SMIM41: variants seen among roughly 807,000 people sequenced by gnomAD.
SMIM41 encodes small integral membrane protein 41.
chr12:52,096,205 CCACAG>C (rs1940090580), intron 2 of SMIM41, among the ~76,000 whole-genome samples: 1 of 151,100 alleles, frequency 6.6e-6, no homozygotes, highest in South Asian at 2.1e-4. Context: ...AGGAACAATA[CCACAG>C]AAGGGGTGTA....
chr12:52,097,930 G>A (rs1227182379), intron 2 of SMIM41, among the ~76,000 whole-genome samples: 1 of 151,896 alleles, frequency 6.6e-6, no homozygotes, highest in African/African-American at 2.4e-5. Context: ...CAAATTCGAA[G>A]GAATGTTATC....
chr12:52,107,552 CT>C lies in SMIM41; in HGVS notation c.*370del. On this transcript the variant is annotated 3_prime_UTR_variant, in exon 3 of 3. Coordinates refer to ENST00000546390, the MANE Select transcript of SMIM41 (RefSeq NM_001369216.1). ...TGTCCTTGCCTGACATCGGTTTCAC[CT>C]CCACCACGGTCCCCCAGATGACTGT... is the stretch of plus-strand genomic sequence containing the variant. 2 of 947,916 alleles carry C rather than the reference CT, an allele frequency of 2.1e-6. No homozygotes were observed. The highest frequency in any genetic ancestry group is 1.3e-5 in the South Asian group (1 of 78,896). The allele number at this position is 947,916 out of a possible 1,614,324, so 58.7% of individuals were successfully genotyped here.
intron 2 of SMIM41, among the ~76,000 whole-genome samples, chr12:52,106,935 T>A (rs1487160400): frequency 6.6e-6 from 1 of 151,706 alleles, no homozygotes; most frequent in African/African-American, 2.4e-5. Flanking sequence ...ATAAAAAATA[T>A]TTGAGTTCTT....
rs1484817644 is a variant in SMIM41 at position 52,081,916 on chromosome 12, C to T, written c.*120+1735C>T. The T allele has an allele frequency of 6.6e-6, 1 of 152,314 alleles. No individual in the cohort carries two copies. The highest frequency in any genetic ancestry group is 1.5e-5 in the Non-Finnish European group (1 of 68,084). 9.4% of individuals were successfully genotyped at this position (152,314 alleles called of 1,614,324 possible). On this transcript the variant is annotated intron_variant, in intron 1 of 2. Coordinates refer to ENST00000546390, the MANE Select transcript of SMIM41 (RefSeq NM_001369216.1). The surrounding 1 kb of genome is among the most constrained non-coding windows in gnomAD (Gnocchi z 4.1). Reference sequence around the variant, plus strand: ...CCCTCTCACTCTGTCCTCTTCCCTTCCCTGCTTTCTCATCACTCTTTGAGA... The same window carrying T: ...CCCTCTCACTCTGTCCTCTTCCCTTTCCTGCTTTCTCATCACTCTTTGAGA...
intron 2 of SMIM41, among the ~76,000 whole-genome samples, chr12:52,089,244 A>G (rs569040860): frequency 8.5e-4 from 130 of 152,220 alleles, no homozygotes; most frequent in African/African-American, 2.9e-3. Flanking sequence ...ATTCTCTGAT[A>G]GTTCTGGAGG....
chr12:52,088,583 C>G (rs1046728784), intron 2 of SMIM41, among the ~76,000 whole-genome samples: 1 of 152,230 alleles, frequency 6.6e-6, no homozygotes, highest in Non-Finnish European at 1.5e-5. Flanking sequence ...CCCTCCACAG[C>G]CAGTGCGTCA....
In SMIM41 at chr12:52,081,972, C is replaced by T. The variant is rs1939825599; in HGVS notation, c.*120+1791C>T. Reference sequence around the variant, plus strand: ...GTGCAAAACGCGGCCTCTCTTCATACATTTGCGAATCAGGGATGGACCCCC... The same window carrying T: ...GTGCAAAACGCGGCCTCTCTTCATATATTTGCGAATCAGGGATGGACCCCC... On this transcript the variant is annotated intron_variant, in intron 1 of 2. Coordinates refer to ENST00000546390, the MANE Select transcript of SMIM41 (RefSeq NM_001369216.1). This position sits in a 1 kb window ranked among gnomAD's most constrained non-coding sequence, Gnocchi z 4.1. The T allele has an allele frequency of 6.6e-6, 1 of 152,440 alleles. No individual in the cohort carries two copies. Among genetic ancestry groups the T allele is most frequent in the Non-Finnish European group, 1.5e-5 (1 of 68,116 alleles). The allele number at this position is 152,440 out of a possible 1,614,324, so 9.4% of individuals were successfully genotyped here.
At chr12:52,098,731 T>G in intron 2 of SMIM41, among the ~76,000 whole-genome samples, 1 of 79,682 alleles carries the variant, frequency 1.3e-5, no homozygotes, top group South Asian at 3.7e-4. Context: ...AGGAACAATA[T>G]CACGGGGGGG....
At chr12:52,083,574 G>T (rs1939848424) in intron 1 of SMIM41, among the ~76,000 whole-genome samples, 1 of 152,142 alleles carries the variant, frequency 6.6e-6, no homozygotes, top group Admixed American at 6.5e-5. Context: ...CCACCCTCAC[G>T]CCAGCACTCG....
At chr12:52,080,942 G>A (rs1248544964) in intron 1 of SMIM41, among the ~76,000 whole-genome samples, 1 of 152,034 alleles carries the variant, frequency 6.6e-6, no homozygotes, top group Admixed American at 6.5e-5. Context: ...GTGTGTGTTG[G>A]GGGGTGTGGA....
At chr12:52,105,625 C>T (rs1043699242) in intron 2 of SMIM41, among the ~76,000 whole-genome samples, 6 of 151,840 alleles carry the variant, frequency 4.0e-5, no homozygotes, top group Admixed American at 6.6e-5. Context: ...TAGTGGCGGG[C>T]GCCTGTAATC....
intron 2 of SMIM41, among the ~76,000 whole-genome samples, chr12:52,089,676 G>A (rs1939961564): frequency 1.3e-5 from 2 of 152,106 alleles, no homozygotes; most frequent in African/African-American, 2.4e-5. Context: ...CCTCGCTTCC[G>A]GTGGTGACCG....
At chr12:52,089,945 G>A (rs1211223204) in intron 2 of SMIM41, among the ~76,000 whole-genome samples, 1 of 152,192 alleles carries the variant, frequency 6.6e-6, no homozygotes, top group African/African-American at 2.4e-5. Context: ...CTTTTTTGGG[G>A]GGGACACAGT....
chr12:52,091,281 C>A (rs927966522), intron 2 of SMIM41, among the ~76,000 whole-genome samples: 1 of 152,224 alleles, frequency 6.6e-6, no homozygotes, highest in Non-Finnish European at 1.5e-5. Context: ...GGGAGCTGTC[C>A]TCAGCCTGAG....
intron 2 of SMIM41, among the ~76,000 whole-genome samples, chr12:52,097,750 C>T (rs1940125882): frequency 6.6e-6 from 1 of 151,866 alleles, no homozygotes; most frequent in Non-Finnish European, 1.5e-5. Flanking sequence ...AATACCAAAG[C>T]GGGGATGGAC....
At chr12:52,103,357 C>CAAAAAAAAAAAAAAACA in intron 2 of SMIM41, among the ~76,000 whole-genome samples, 2 of 116,970 alleles carry the variant, frequency 1.7e-5, no homozygotes, top group East Asian at 2.4e-4. Context: ...AAAATAAAAC[C>CAAAAAAAAAAAAAAACA]AAAAAAAAAA....
intron 2 of SMIM41, among the ~76,000 whole-genome samples, chr12:52,093,849 G>C (rs1940044308): frequency 6.6e-6 from 1 of 152,154 alleles, no homozygotes; most frequent in African/African-American, 2.4e-5. Context: ...AATCTGGCCG[G>C]GTGGGGCGCG....
chr12:52,095,248 G>A (rs1273269333), intron 2 of SMIM41, among the ~76,000 whole-genome samples: 2 of 151,654 alleles, frequency 1.3e-5, no homozygotes, highest in African/African-American at 4.8e-5. Context: ...GGGGTCGGGC[G>A]CCCCCCGCGA....
rs962925093 is a variant in SMIM41 at position 52,079,812 on chromosome 12, G to A, written c.33G>A (p.Gln11=). The change falls in exon 1 of 3, where the codon CAG becomes CAA. Residue 11 remains glutamine, a synonymous_variant. Transcript: ENST00000546390. MNGSQAGAAA[Q]AAWLSSCCNQ... ...GCTCTCAGGCGGGCGCCGCGGCTCA[G>A]GCCGCCTGGCTGAGCTCCTGCTGTA... is the stretch of plus-strand genomic sequence containing the variant. 2 of 393,826 alleles carry A rather than the reference G, an allele frequency of 5.1e-6. No individual in the cohort carries two copies. The highest frequency in any genetic ancestry group is 4.1e-5 in the African/African-American group (2 of 48,388). The allele number at this position is 393,826 out of a possible 1,614,324, so 24.4% of individuals were successfully genotyped here. A position where few individuals can be genotyped will look rare whatever the true frequency, so the allele number is the denominator to read the frequency against.
Sources: allele counts gnomAD v4.1 joint callset (sites outside exome capture counted in the v4.1 genomes callset), GRCh38; gene constraint gnomAD v4.1.1; non-coding constraint Gnocchi (gnomAD v3.1); transcripts MANE v1.5; gene names NCBI Gene and HGNC (gene_info 2026-07-23, HGNC 2026-07-21).